Variants in MGST3 observed in about 807,000 individuals in gnomAD.
The protein encoded by MGST3 is glutathione S-transferase 3, mitochondrial.
A neutral mutation model predicts 15.8 loss-of-function variants in MGST3; 13 were observed. That is an observed-to-expected ratio of 0.82 (90% CI 0.54 to 1.31). The LOEUF (loss-of-function observed/expected upper bound fraction) is 1.31, where lower values mean the gene tolerates loss of function less well. MGST3 is among the 50% of genes most tolerant of loss of function. The pLI, the probability that MGST3 is intolerant of heterozygous loss-of-function variation, is 0.00. For missense variants in MGST3, 155 were observed against 192.4 expected (o/e 0.81, Z 1.15); for synonymous variants, 49 against 68.1 (o/e 0.72, Z 1.38).
At chr1:165,652,565 G>A (rs1011260894) in intron 4 of MGST3, among the ~76,000 whole-genome samples, 18 of 152,198 alleles carry the variant, frequency 1.2e-4, no homozygotes, top group Non-Finnish European at 2.2e-4. Context: ...AGGGGATGTG[G>A]AGTGGGATAA....
Position 165,651,245 on chromosome 1 carries a change from A to G in MGST3, c.191+158A>G, listed in dbSNP as rs1326161158. The stretch of plus-strand genomic sequence containing the variant: ...ATTCAAAAATTATGTATGTGAACAC[A>G]TTGACTATTAAGCAAACTTAAGAGT... On this transcript the variant is annotated intron_variant, in intron 3 of 5. Transcript: ENST00000367889. 1.2e-5 allele frequency: 8 copies of G among 690,040 alleles called. No homozygotes were observed. In the East Asian group the frequency reaches 1.8e-4, roughly 16 times the overall value. 42.7% of individuals were successfully genotyped at this position (690,040 alleles called of 1,614,324 possible).
intron 1 of MGST3, chr1:165,646,531 T>G (rs779074456): frequency 1.8e-4 from 27 of 152,250 alleles, no homozygotes; most frequent in Non-Finnish European, 3.5e-4. Context: ...AAACCAGTCT[T>G]TCTTAAATAC....
chr1:165,637,377 G>A (rs1648140551), intron 1 of MGST3, among the ~76,000 whole-genome samples: 1 of 152,172 alleles, frequency 6.6e-6, no homozygotes, highest in Non-Finnish European at 1.5e-5. Flanking sequence ...AAAATAAAAG[G>A]TAGTGTCACT....
chr1:165,646,294 A>C (rs1648399396), intron 1 of MGST3: 2 of 152,222 alleles, frequency 1.3e-5, no homozygotes, highest in African/African-American at 4.8e-5. Context: ...TCACTCTCTA[A>C]GGAGTGGGAA....
intron 1 of MGST3, chr1:165,647,685 T>C (rs1373292996): frequency 2.0e-5 from 3 of 152,132 alleles, no homozygotes; most frequent in African/African-American, 7.2e-5. Flanking sequence ...GCAAATATGC[T>C]TAATTTTATT....
rs1357572535 is a variant in MGST3, at chr1:165,639,001, A to G, written c.-8+7708A>G. ...CCCCTAACCAGGACAATCAGTCAAG[A>G]AAAAAAAATAAATAAAAGACATCCA... On this transcript the variant is annotated intron_variant, in intron 1 of 5. Transcript: ENST00000367889. Among the ~76,000 whole-genome samples the G allele has an allele frequency of 2.2e-5, 3 of 138,538 alleles. No homozygotes were observed. The East Asian group carries it at 5.9e-4, about 27-fold the overall frequency. The allele number at this position is 138,538 out of a possible 152,430, so 90.9% of individuals were successfully genotyped here. A position where few individuals can be genotyped will look rare whatever the true frequency, so the allele number is the denominator to read the frequency against.
intron 3 of MGST3, chr1:165,651,399 G>T: frequency 2.3e-6 from 1 of 429,934 alleles, no homozygotes; most frequent in Non-Finnish European, 4.4e-6. Flanking sequence ...GAGTGAAGAG[G>T]TTTTGAATGC....
At chr1:165,655,176 A>G (rs964976228) in intron 5 of MGST3, among the ~76,000 whole-genome samples, 192 bp from the exon 6 acceptor site, 2 of 152,224 alleles carry the variant, frequency 1.3e-5, no homozygotes, top group Admixed American at 1.3e-4. Context: ...TCCAAGCAAT[A>G]CTACTGTGGC....
chr1:165,651,257 G>A (rs1388807426), intron 3 of MGST3, 170 bp downstream of exon 3: 1 of 664,698 alleles, frequency 1.5e-6, no homozygotes, highest in Non-Finnish European at 2.7e-6. Flanking sequence ...TGACTATTAA[G>A]CAAACTTAAG....
At chr1:165,635,925 G>C (rs1038802957) in intron 1 of MGST3, 5 of 152,116 alleles carry the variant, frequency 3.3e-5, no homozygotes, top group Non-Finnish European at 5.9e-5. Flanking sequence ...TCAACTTTTT[G>C]TTTTTAGCCC....
At chr1:165,653,049 T>G (rs1247191593) in intron 4 of MGST3, among the ~76,000 whole-genome samples, 1 of 152,266 alleles carries the variant, frequency 6.6e-6, no homozygotes, top group African/African-American at 2.4e-5. Context: ...GAATGCCTTG[T>G]ACTTTTGTTA....
At position 165,651,582 on chromosome 1, in the gene MGST3, T is replaced by G. The variant is rs1571156120; in HGVS notation, c.192-396T>G. On this transcript the variant is annotated intron_variant, in intron 3 of 5. Coordinates refer to ENST00000367889, the MANE Select transcript of MGST3 (RefSeq NM_004528.4). ...TGAATGTTTATTTTTACCCCCAAGC[T>G]TCTAACTTGGCAAGGAAGATGTAAA... 1.3e-5 allele frequency: 4 copies of G among 298,142 alleles called. 1 individual carries two copies. In the South Asian group the frequency reaches 1.4e-4, roughly 10 times the overall value. The allele number at this position is 298,142 out of a possible 1,614,324, so 18.5% of individuals were successfully genotyped here.
At chr1:165,635,320 T>C (rs1648079074) in intron 1 of MGST3, among the ~76,000 whole-genome samples, 1 of 152,246 alleles carries the variant, frequency 6.6e-6, no homozygotes, top group African/African-American at 2.4e-5. Context: ...ATAAATCTAG[T>C]ATTCTTAGAT....
chr1:165,638,226 C>T (rs1648166310), intron 1 of MGST3, among the ~76,000 whole-genome samples: 1 of 152,208 alleles, frequency 6.6e-6, no homozygotes, highest in African/African-American at 2.4e-5. Context: ...TGCCTCTTAT[C>T]CCAGCACTTT....
chr1:165,644,378 T>C (rs753659738), intron 1 of MGST3, among the ~76,000 whole-genome samples: 4 of 152,196 alleles, frequency 2.6e-5, no homozygotes, highest in Non-Finnish European at 5.9e-5. Context: ...GTGGTATGTA[T>C]TTGTGTGTCT....
At chr1:165,652,822 A>G (rs1222329417) in intron 4 of MGST3, among the ~76,000 whole-genome samples, 1 of 152,236 alleles carries the variant, frequency 6.6e-6, no homozygotes, top group African/African-American at 2.4e-5. Context: ...AGGCCTCTGC[A>G]GTATAGATAG....
At chr1:165,634,816 A>G (rs1648067140) in intron 1 of MGST3, among the ~76,000 whole-genome samples, 1 of 23,100 alleles carries the variant, frequency 4.3e-5, no homozygotes, top group Non-Finnish European at 8.3e-5. Flanking sequence ...TCAACTGTGT[A>G]TTCTAGAGAG....
intron 4 of MGST3, among the ~76,000 whole-genome samples, 153 bp downstream of exon 4, chr1:165,652,188 C>A (rs1258705984): frequency 2.0e-5 from 3 of 152,118 alleles, no homozygotes; most frequent in African/African-American, 7.2e-5. Context: ...TTACAGAGTT[C>A]TTTAAAGGAG....
rs1174521581 is a variant in MGST3 at position 165,649,567 on chromosome 1, C to T, written c.-7-274C>T. Reference sequence around the variant, plus strand: ...CTACTGCAGTGGTGTAGATAAATCTCATAATGTTGATCAGAATCTCCCAGG... The same window carrying T: ...CTACTGCAGTGGTGTAGATAAATCTTATAATGTTGATCAGAATCTCCCAGG... On this transcript the variant is annotated intron_variant, in intron 1 of 5. Transcript: ENST00000367889. The T allele has an allele frequency of 1.3e-4, 52 of 401,202 alleles. No homozygotes were observed. The South Asian group carries it at 1.4e-3, about 10-fold the overall frequency. The allele number at this position is 401,202 out of a possible 1,614,324, so 24.9% of individuals were successfully genotyped here. A position where few individuals can be genotyped will look rare whatever the true frequency, so the allele number is the denominator to read the frequency against.
Sources: allele counts gnomAD v4.1 joint callset (sites outside exome capture counted in the v4.1 genomes callset), GRCh38; gene constraint gnomAD v4.1.1; transcripts MANE v1.5; gene names NCBI Gene and HGNC (gene_info 2026-07-23, HGNC 2026-07-21).